Variants in LRRC37B observed in about 807,000 individuals in gnomAD.
The protein encoded by LRRC37B is leucine rich repeat containing 37B.
In LRRC37B, 28 loss-of-function variants were observed where a neutral mutation model predicts 98.3. The ratio of observed to expected loss-of-function variants is 0.28; its 90% confidence interval spans 0.21 to 0.39. The LOEUF (loss-of-function observed/expected upper bound fraction) is 0.39. LRRC37B is among the 10% of genes least tolerant of loss of function. The pLI is 1.00. For synonymous variants in LRRC37B, 364 were observed against 442.7 expected, an observed-to-expected ratio of 0.82 and a Z score of 2.23; for missense variants, 938 against 1,182.7, an observed-to-expected ratio of 0.79 and a Z score of 3.03.
chr17:32,029,846 TG>T (rs1375687488), intron 3 of LRRC37B, among the ~76,000 whole-genome samples: 1 of 152,212 alleles, frequency 6.6e-6, no homozygotes. Context: ...AACTCAGTTC[TG>T]GACTCCGCCC....
At chr17:32,012,419 C>T (rs1487359127) in intron 1 of LRRC37B, among the ~76,000 whole-genome samples, 1 of 152,144 alleles carries the variant, frequency 6.6e-6, no homozygotes, top group African/African-American at 2.4e-5. Context: ...AATCATTATA[C>T]TAAAAACCAT....
chr17:32,037,632 G>A (rs1485741373), intron 7 of LRRC37B, among the ~76,000 whole-genome samples: 1 of 152,182 alleles, frequency 6.6e-6, no homozygotes, highest in Non-Finnish European at 1.5e-5. Context: ...TAGATGTGTA[G>A]TGGAATCTCA....
exon 1 of LRRC37B, chr17:32,022,022 T>A: frequency 1.9e-6 from 3 of 1,613,948 alleles, no homozygotes; most frequent in Non-Finnish European, 2.5e-6. Context: ...TACAGCTCCC[T>A]CAGGAGGTAG....
intron 1 of LRRC37B, among the ~76,000 whole-genome samples, chr17:32,011,034 T>A (rs1910513885): frequency 6.6e-6 from 1 of 151,772 alleles, no homozygotes; most frequent in Non-Finnish European, 1.5e-5. Context: ...TCTTGCTCTG[T>A]CACCTAGGCT....
Position 32,021,652 on chromosome 17 carries a change from A to G in LRRC37B, c.587A>G (p.Asp196Gly), listed in dbSNP as rs140867569. 4 of 1,614,138 alleles carry G rather than the reference A, an allele frequency of 2.5e-6. No individual in the cohort carries two copies. The Admixed American group carries it at 5.0e-5, about 20-fold the overall frequency. Residue 196 changes from aspartate (D) to glycine (G), a missense_variant, in exon 1 of 12, where the codon GAT (aspartate) becomes GGT (glycine). Physicochemically the swap from Asp to Gly is moderately conservative, Grantham distance 94 (BLOSUM62 -1). Around this residue, in one of 2 missense-constraint regions of LRRC37B, gnomAD observed 610 missense variants for 625.6 expected, o/e 0.98. Transcript: ENST00000327564. ...GATCGGGCTGCAGGTCATCAGGCAG[A>G]TGAAATACTTGTTCCACTAGACAGT...
chr17:32,014,701 T>TATAGATAGATAGATAGATAG (rs201573145), intron 1 of LRRC37B, among the ~76,000 whole-genome samples: 8 of 151,966 alleles, frequency 5.3e-5, no homozygotes, highest in Admixed American at 2.0e-4. Context: ...TGTATGTAGA[T>TATAGATAGATAGATAGATAG]ATAGATAGAT....
At chr17:32,009,895 C>T (rs1027304691) in intron 1 of LRRC37B, among the ~76,000 whole-genome samples, 5 of 152,124 alleles carry the variant, frequency 3.3e-5, no homozygotes, top group African/African-American at 1.2e-4. Context: ...ATCTGCCTGC[C>T]TTGGCCTCCC....
intron 8 of LRRC37B, among the ~76,000 whole-genome samples, chr17:32,046,564 A>G (rs1464431394): frequency 6.6e-6 from 1 of 150,966 alleles, no homozygotes; most frequent in African/African-American, 2.4e-5. Flanking sequence ...CTATAAAGAC[A>G]GTGTTGCTTA....
At chr17:32,022,636 C>T (rs766339889) in exon 1 of LRRC37B, 3 of 1,614,020 alleles carry the variant, frequency 1.9e-6, no homozygotes, top group Non-Finnish European at 1.7e-6. Flanking sequence ...AAGTTAGAAT[C>T]TTCGCAGGAT....
At chr17:32,034,185 A>G (rs541769497) in intron 5 of LRRC37B, 2 of 152,260 alleles carry the variant, frequency 1.3e-5, no homozygotes, top group South Asian at 4.1e-4. Context: ...ATTAAACCAT[A>G]AATTTAAAAA....
chr17:32,008,083 C>T lies in LRRC37B; in HGVS notation c.-240C>T, dbSNP rs1179996704. ...ATTATCCGGAGGAGCTGGAAGATGA[C>T]GACGAGGACGCCAGTTACTCCACGG... On this transcript the variant is annotated 5_prime_UTR_variant, in exon 1 of 15. The change creates a new upstream start codon in the 5' untranslated region. Coordinates refer to the LRRC37B transcript ENST00000543378. 6.6e-6 allele frequency: 3 copies of T among 456,780 alleles called. No individual in the cohort carries two copies. Among genetic ancestry groups the T allele is most frequent in the South Asian group, 2.2e-5 (1 of 45,072 alleles). 28.3% of individuals were successfully genotyped at this position (456,780 alleles called of 1,614,324 possible). A position where few individuals can be genotyped will look rare whatever the true frequency, so the allele number is the denominator to read the frequency against.
intron 9 of LRRC37B, 96 bp downstream of exon 12, chr17:32,047,997 A>G: frequency 6.2e-7 from 1 of 1,601,520 alleles, no homozygotes; most frequent in Non-Finnish European, 8.6e-7. Context: ...TGCAGAATCA[A>G]TATTGTTACC....
chr17:32,017,729 C>G (rs1490816566), upstream of LRRC37B, among the ~76,000 whole-genome samples: 1 of 151,950 alleles, frequency 6.6e-6, no homozygotes, highest in Non-Finnish European at 1.5e-5. Flanking sequence ...GAATTCCAGG[C>G]TGCAGTGAGC....
At chr17:32,030,985 T>C (rs780377536) in intron 4 of LRRC37B, among the ~76,000 whole-genome samples, 134 of 152,138 alleles carry the variant, frequency 8.8e-4, no homozygotes, top group Non-Finnish European at 1.5e-3. Context: ...CAGAGACACT[T>C]TTGCTTGACA....
At chr17:32,053,064 C>G (rs1911803362) in intron 11 of LRRC37B, 1 of 580,756 alleles carries the variant, frequency 1.7e-6, no homozygotes, top group Non-Finnish European at 3.1e-6. Context: ...GGGCGATATC[C>G]TAGAACCAGT....
At chr17:32,036,040 A>C in intron 7 of LRRC37B, 1 of 198,950 alleles carries the variant, frequency 5.0e-6, no homozygotes, top group Non-Finnish European at 1.0e-5. Flanking sequence ...TCTCACTGTC[A>C]CTCAGGCTGC....
chr17:32,052,806 G>T (rs1490784664), intron 11 of LRRC37B: 1 of 152,500 alleles, frequency 6.6e-6, no homozygotes, highest in African/African-American at 2.4e-5. Context: ...ATTAGCTAGT[G>T]TGGTGGTATG....
intron 3 of LRRC37B, among the ~76,000 whole-genome samples, chr17:32,029,772 A>G (rs1301511501): frequency 6.6e-6 from 1 of 152,166 alleles, no homozygotes; most frequent in Non-Finnish European, 1.5e-5. Context: ...ATCATGGGGA[A>G]CCATGTTATC....
chr17:32,010,282 T>G (rs1386782121), intron 1 of LRRC37B, among the ~76,000 whole-genome samples: 1 of 152,246 alleles, frequency 6.6e-6, no homozygotes, highest in Non-Finnish European at 1.5e-5. Context: ...ATATGTAATG[T>G]CTATAGAATG....
Sources: gnomAD v4.1 joint callset for allele counts (sites outside exome capture counted in the v4.1 genomes callset) on GRCh38, gnomAD v4.1.1 for gene constraint, gnomAD v4.1.1 regional missense constraint, MANE v1.5 for transcripts, NCBI Gene and HGNC (gene_info 2026-07-23, HGNC 2026-07-21) for gene names.